SF1: variants seen among roughly 807,000 people sequenced by gnomAD.
The protein encoded by SF1 is splicing factor 1, also known as branch point-binding protein.
SF1 carries 7 observed loss-of-function variants against 62.5 expected under a neutral mutation model. The observed-to-expected ratio is 0.11, with a 90% CI of 0.06 to 0.21. The LOEUF is 0.21. Among genes scored for constraint, SF1 ranks in the 10% least tolerant of loss-of-function variants. The pLI, the probability that SF1 is intolerant of heterozygous loss-of-function variation, is 1.00. For missense variants in SF1, 578 were observed against 884.0 expected (o/e 0.65, Z 4.39); for synonymous variants, 394 against 323.6 (o/e 1.22, Z -2.33).
At chr11:64,770,530 A>G in intron 3 of SF1, 122 bp from the exon 4 acceptor site, 1 of 1,055,938 alleles carries the variant, frequency 9.5e-7, no homozygotes, top group South Asian at 1.6e-5. Context: ...CTTCGGAGGA[A>G]CCGACCATAA....
chr11:64,778,490 A>G lies in SF1; in HGVS notation c.-98T>C. 1 of 1,172,054 alleles carries G rather than the reference A, an allele frequency of 8.5e-7. No individual in the cohort carries two copies. Among genetic ancestry groups the G allele is most frequent in the East Asian group, 3.7e-5 (1 of 27,180 alleles). The allele number at this position is 1,172,054 out of a possible 1,614,324, so 72.6% of individuals were successfully genotyped here. A position where few individuals can be genotyped will look rare whatever the true frequency, so the allele number is the denominator to read the frequency against. ...GGAGGGGACCCGAATGCGCTGCCGG[A>G]GCGCGCGGAGCCCGTCCTCTCACGC... On this transcript the variant is annotated 5_prime_UTR_variant, in exon 1 of 13. Transcript: ENST00000377390.
chr11:64,778,222 C>A (rs1404520218), intron 1 of SF1, 140 bp downstream of exon 1: 2 of 1,162,920 alleles, frequency 1.7e-6, no homozygotes, highest in Admixed American at 8.9e-5. Flanking sequence ...CGGTCAGGGC[C>A]CCCATCGAGC....
At position 64,776,655 on chromosome 11, in the gene SF1, T is replaced by C. The variant is rs763510203; in HGVS notation, c.32-29A>G. 1.3e-5 allele frequency: 21 copies of C among 1,603,576 alleles called. No homozygotes were observed. The Middle Eastern group carries it at 5.0e-4, about 38-fold the overall frequency. The stretch of plus-strand genomic sequence containing the variant: ...AAAGGCAGAGACAAAATCCATCCGA[T>C]GTAAATACAAGTAGTTATCAACAGA... On this transcript the variant is annotated intron_variant, in intron 1 of 12. Transcript: ENST00000377390.
rs1216212201 is a variant in SF1, at chr11:64,767,098, A to T, written c.1403-19T>A. 6.2e-7 allele frequency: 1 copy of T among 1,605,518 alleles called. No homozygotes were observed. Among genetic ancestry groups the T allele is most frequent in the East Asian group, 2.2e-5 (1 of 44,678 alleles). ...ATCATACCTGTGGACAGGTGGAGGC[A>T]AAGATGAGGCCTCAGGGAAAGGCGG... is the stretch of plus-strand genomic sequence containing the variant. On this transcript the variant is annotated intron_variant, in intron 11 of 12. Coordinates refer to ENST00000377390, the MANE Select transcript of SF1 (RefSeq NM_004630.4).
intron 4 of SF1, 80 bp downstream of exon 4, chr11:64,770,176 T>C (rs1161723730): frequency 1.9e-6 from 3 of 1,569,590 alleles, no homozygotes; most frequent in Non-Finnish European, 2.6e-6. Context: ...AGGTGAGTAG[T>C]ACCAATACTG....
intron 12 of SF1, chr11:64,766,662 A>C: frequency 2.2e-6 from 1 of 445,258 alleles, no homozygotes. Flanking sequence ...TACCTACAAT[A>C]GCAGGCTCCC....
At position 64,778,479 on chromosome 11, in the gene SF1, T is replaced by A; in HGVS notation, c.-87A>T. 1 of 1,170,988 alleles carries A rather than the reference T, an allele frequency of 8.5e-7. No homozygotes were observed. Among genetic ancestry groups the A allele is most frequent in the Non-Finnish European group, 1.1e-6 (1 of 949,328 alleles). The allele number at this position is 1,170,988 out of a possible 1,614,324, so 72.5% of individuals were successfully genotyped here. A position where few individuals can be genotyped will look rare whatever the true frequency, so the allele number is the denominator to read the frequency against. On this transcript the variant is annotated 5_prime_UTR_variant, in exon 1 of 13. Transcript: ENST00000377390. ...GCCTCCCGGGGGGAGGGGACCCGAA[T>A]GCGCTGCCGGAGCGCGCGGAGCCCG...
chr11:64,767,965 CA>C, intron 9 of SF1, 121 bp from the exon 10 acceptor site: 1 of 1,465,180 alleles, frequency 6.8e-7, no homozygotes, highest in Non-Finnish European at 9.2e-7. Context: ...GAGAAGTCCC[CA>C]AACTGGCCTG....
rs1408453348 is a variant in SF1, at chr11:64,766,451, C to T, written c.1583-296G>A. 1.2e-5 allele frequency: 6 copies of T among 488,046 alleles called. No homozygotes were observed. The Admixed American group carries it at 1.9e-4, about 16-fold the overall frequency. The allele number at this position is 488,046 out of a possible 1,614,324, so 30.2% of individuals were successfully genotyped here. A position where few individuals can be genotyped will look rare whatever the true frequency, so the allele number is the denominator to read the frequency against. On this transcript the variant is annotated intron_variant, in intron 12 of 12. Transcript: ENST00000377390. The stretch of plus-strand genomic sequence containing the variant: ...CAGCTCTGATGTCCCTCCGCCCAGC[C>T]GCCGCCACCACCGAACGGCACATTC...
Position 64,767,754 on chromosome 11 carries a change from G to A in SF1, c.1159C>T (p.Pro387Ser). The A allele has an allele frequency of 3.1e-6, 5 of 1,613,522 alleles. No individual in the cohort carries two copies. Among genetic ancestry groups the A allele is most frequent in the Non-Finnish European group, 4.2e-6 (5 of 1,179,710 alleles). ...RPYHGMHGGGPGGPGGGPHSF... is the reference protein window; with the variant it reads ...RPYHGMHGGGSGGPGGGPHSF... ...TGGGGGCCACCTCCGGGCCCACCAG[G>A]ACCACCTCCATGCATGCCGTGGTAG... The change falls in exon 10 of 13, where the codon CCT (proline) becomes TCT (serine). Residue 387 changes from proline (P) to serine (S), a missense_variant. Pro to Ser is a moderately conservative substitution (Grantham distance 74, BLOSUM62 -1). Around this residue, in one of 7 missense-constraint regions of SF1, gnomAD observed 410 missense variants for 452.4 expected, o/e 0.91. Coordinates refer to ENST00000377390, the MANE Select transcript of SF1 (RefSeq NM_004630.4).
At chr11:64,778,170 G>A in intron 1 of SF1, 192 bp downstream of exon 1, 1 of 895,430 alleles carries the variant, frequency 1.1e-6, no homozygotes, top group East Asian at 5.3e-5. Context: ...GGAGGGGGCG[G>A]CGGCGGAGGC....
In SF1 at chr11:64,765,948, T is replaced by C; in HGVS notation, c.1790A>G (p.Tyr597Cys). ...PPPPGSAGMMYAPPPPPPPPM... is the reference protein window; with the variant it reads ...PPPPGSAGMMCAPPPPPPPPM... ...AGGCGGAGGAGGAGGGGGCGGGGCA[T>C]ACATCATGCCGGCGGAACCAGGCGG... The change falls in exon 13 of 13, where the codon TAT becomes TGT. Residue 597 changes from tyrosine to cysteine, a missense_variant. Physicochemically the swap from Tyr to Cys is radical, Grantham distance 194. Transcript: ENST00000377390. 6 of 1,565,780 alleles carry C rather than the reference T, an allele frequency of 3.8e-6. No individual in the cohort carries two copies. The highest frequency in any genetic ancestry group is 5.2e-6 in the Non-Finnish European group (6 of 1,158,464).
In SF1 at chr11:64,770,239, C is replaced by G. The variant is rs368696092; in HGVS notation, c.389+17G>C. The stretch of plus-strand genomic sequence containing the variant: ...TGCATGTGTCTTCATCCCAGATGAC[C>G]GAGCCCCTCCGCTTACTTGTAATCT... On this transcript the variant is annotated intron_variant, in intron 4 of 12. Transcript: ENST00000377390. 6.2e-7 allele frequency: 1 copy of G among 1,608,176 alleles called. No individual in the cohort carries two copies. Among genetic ancestry groups the G allele is most frequent in the South Asian group, 1.1e-5 (1 of 90,946 alleles).
intron 2 of SF1, among the ~76,000 whole-genome samples, chr11:64,775,511 G>A (rs888191252): frequency 6.6e-6 from 1 of 152,130 alleles, no homozygotes; most frequent in Non-Finnish European, 1.5e-5. Flanking sequence ...CAATTCCAAC[G>A]CCTCAAAATT....
intron 1 of SF1, chr11:64,778,085 G>C: frequency 4.2e-6 from 4 of 957,606 alleles, no homozygotes; most frequent in Middle Eastern, 9.9e-4. Context: ...CGGCGGCGGA[G>C]GGGGCGGCTG....
chr11:64,768,969 A>G (rs2135911639), intron 8 of SF1, 53 bp downstream of exon 8: 1 of 1,186,432 alleles, frequency 8.4e-7, no homozygotes, highest in African/African-American at 1.5e-5. Context: ...GTGCCAGAAA[A>G]GTTGTCCTGC....
chr11:64,770,892 T>C (rs996728978), intron 3 of SF1, among the ~76,000 whole-genome samples: 1 of 152,208 alleles, frequency 6.6e-6, no homozygotes, highest in Non-Finnish European at 1.5e-5. Context: ...ATGAGCTCTT[T>C]AACCCAATGC....
Position 64,771,763 on chromosome 11 carries a change from G to A in SF1, c.237-1355C>T, listed in dbSNP as rs1938359640. The A allele has an allele frequency of 3.0e-6, 3 of 984,724 alleles. No individual in the cohort carries two copies. In the African/African-American group the frequency reaches 5.2e-5, roughly 17 times the overall value. 61.0% of individuals were successfully genotyped at this position (984,724 alleles called of 1,614,324 possible). A position where few individuals can be genotyped will look rare whatever the true frequency, so the allele number is the denominator to read the frequency against. On this transcript the variant is annotated intron_variant, in intron 3 of 12. Coordinates refer to ENST00000377390, the MANE Select transcript of SF1 (RefSeq NM_004630.4). ...TTTTAAACATGTTTTTACTGTGCAA[G>A]TTAAGCAGCATCAAAATAACAATAA...
intron 5 of SF1, 120 bp from the exon 6 acceptor site, chr11:64,769,729 C>A (rs1236336061): frequency 2.1e-6 from 2 of 946,962 alleles, no homozygotes; most frequent in Non-Finnish European, 3.2e-6. Flanking sequence ...ATTTTCCCAC[C>A]AAGAGCTCCA....
Sources: allele counts gnomAD v4.1 joint callset (sites outside exome capture counted in the v4.1 genomes callset), GRCh38; gene constraint gnomAD v4.1.1; regional missense constraint gnomAD v4.1.1; transcripts MANE v1.5; gene names NCBI Gene and HGNC (gene_info 2026-07-23, HGNC 2026-07-21).